The following RP1 variants were observed in gnomAD, a reference collection of about 807,000 sequenced individuals.
RP1 encodes oxygen-regulated protein 1.
RP1 carries 16 observed loss-of-function variants against 14.8 expected under a neutral mutation model. The observed-to-expected ratio is 1.08, with a 90% CI of 0.73 to 1.65. The LOEUF is 1.65. Ranked by LOEUF, RP1 falls within the 40% of genes most tolerant of loss-of-function variation. The pLI is 0.00. For synonymous variants in RP1, 876 were observed against 883.6 expected, an observed-to-expected ratio of 0.99 and a Z score of 0.15; for missense variants, 2,631 against 2,535.0, an observed-to-expected ratio of 1.04 and a Z score of -0.81.
At chr8:54,698,871 C>G (rs1807938807) in intron 12 of RP1, among the ~76,000 whole-genome samples, 1 of 151,822 alleles carries the variant, frequency 6.6e-6, no homozygotes, top group Admixed American at 6.6e-5. Flanking sequence ...GGGAACATCA[C>G]ACATCAAGGC....
chr8:54,713,912 ATG>A (rs1281780335), intron 15 of RP1, among the ~76,000 whole-genome samples: 1 of 152,212 alleles, frequency 6.6e-6, no homozygotes, highest in East Asian at 1.9e-4. Context: ...TGCAAAAATT[ATG>A]TTAGTGGGAA....
Position 54,627,690 on chromosome 8 carries a change from C to A in RP1, c.3808C>A (p.Pro1270Thr), listed in dbSNP as rs1347309576. ...EMCTVNKAYS[P>T]KETCNPSDTF... The stretch of plus-strand genomic sequence containing the variant: ...GTGCACTGTAAATAAGGCTTATTCT[C>A]CAAAAGAGACATGTAACCCCAGTGA... Residue 1270 changes from proline (P) to threonine (T), a missense_variant, in exon 4 of 4, where the codon CCA (proline) becomes ACA (threonine). Coordinates refer to ENST00000220676, the MANE Select transcript of RP1 (RefSeq NM_006269.2). The A allele has an allele frequency of 6.2e-7, 1 of 1,614,048 alleles. No individual in the cohort carries two copies. Among genetic ancestry groups the A allele is most frequent in the African/African-American group, 1.3e-5 (1 of 74,930 alleles).
At chr8:54,854,513 G>T (rs1812140993) in intron 26 of RP1, among the ~76,000 whole-genome samples, 1 of 152,152 alleles carries the variant, frequency 6.6e-6, no homozygotes, top group Admixed American at 6.5e-5. Flanking sequence ...TAAATATCTA[G>T]AAGACAATGA....
At chr8:54,688,025 C>A (rs1807609103) in intron 12 of RP1, among the ~76,000 whole-genome samples, 1 of 152,176 alleles carries the variant, frequency 6.6e-6, no homozygotes. Flanking sequence ...GAGATGGTAT[C>A]TCATTGTGGT....
chr8:54,589,438 G>A (rs1291928879), intron 1 of RP1, among the ~76,000 whole-genome samples: 1 of 152,018 alleles, frequency 6.6e-6, no homozygotes, highest in African/African-American at 2.4e-5. Flanking sequence ...TGAAATAAAG[G>A]GATTTTCCAA....
At chr8:54,787,083 T>C (rs1810337174) in intron 24 of RP1, among the ~76,000 whole-genome samples, 1 of 152,138 alleles carries the variant, frequency 6.6e-6, no homozygotes, top group African/African-American at 2.4e-5. Flanking sequence ...AGGATTCTAG[T>C]TTTAAAAAGG....
At chr8:54,563,544 T>G (rs1474345095) in intron 1 of RP1, among the ~76,000 whole-genome samples, 1 of 128,202 alleles carries the variant, frequency 7.8e-6, no homozygotes, top group African/African-American at 2.9e-5. Context: ...GTGTGTGTGG[T>G]TTTTTTGTTT....
chr8:54,602,655 A>T (rs1219123421), intron 1 of RP1, among the ~76,000 whole-genome samples: 2 of 152,214 alleles, frequency 1.3e-5, no homozygotes, highest in Admixed American at 6.5e-5. Flanking sequence ...TCCCAGTAAC[A>T]GTGTAAAAGT....
chr8:54,737,410 T>C (rs1319232382), intron 18 of RP1, among the ~76,000 whole-genome samples: 3 of 152,188 alleles, frequency 2.0e-5, no homozygotes, highest in Admixed American at 6.6e-5. Context: ...TTCACTTAAA[T>C]TGTGGAGAAA....
chr8:54,870,179 C>T (rs1812557016), exon 29 of RP1: 1 of 341,862 alleles, frequency 2.9e-6, no homozygotes, highest in Non-Finnish European at 5.2e-6. Context: ...CTGCTGCTCA[C>T]CTCCTCCCCC....
intron 1 of RP1, among the ~76,000 whole-genome samples, chr8:54,572,042 G>C (rs1586390613): frequency 6.6e-6 from 1 of 152,176 alleles, no homozygotes; most frequent in Admixed American, 6.5e-5. Context: ...GCCCAAAACA[G>C]TGACTCAGTT....
chr8:54,774,614 G>C (rs1809990344), downstream of RP1, among the ~76,000 whole-genome samples: 1 of 152,132 alleles, frequency 6.6e-6, no homozygotes, highest in Non-Finnish European at 1.5e-5. Context: ...GCTGGGTTTA[G>C]CTTCATTTGC....
rs548750895 is a variant in RP1 at position 54,660,548 on chromosome 8, T to TGG, written c.1172-3147_1172-3146dup. Among the ~76,000 whole-genome samples, 251 of 152,254 alleles carry TGG rather than the reference T, an allele frequency of 1.6e-3. 1 individual carries two copies. The highest frequency in any genetic ancestry group is 5.7e-3 in the African/African-American group (237 of 41,556). On this transcript the variant is annotated intron_variant, in intron 6 of 22. Coordinates refer to the RP1 transcript ENST00000636932. ...TGCAACTTGGTCATGCTGTATGTGCTGGGGGTAGGAGGGGGAGCTTCAGCA... is the reference window on the plus strand; with the variant it reads ...TGCAACTTGGTCATGCTGTATGTGCTGGGGGGGTAGGAGGGGGAGCTTCAGCA...
intron 7 of RP1, among the ~76,000 whole-genome samples, chr8:54,668,209 C>T (rs1462617253): frequency 1.3e-5 from 2 of 151,984 alleles, no homozygotes; most frequent in African/African-American, 4.8e-5. Context: ...AACGTAATCA[C>T]AAGCATTCCT....
At chr8:54,797,737 A>G (rs1209484523) in intron 24 of RP1, among the ~76,000 whole-genome samples, 2 of 152,168 alleles carry the variant, frequency 1.3e-5, no homozygotes. Context: ...GTCTTTTCAA[A>G]ATAAAATATC....
chr8:54,563,536 G>GTGTT (rs1563313167), intron 1 of RP1, among the ~76,000 whole-genome samples: 2 of 151,690 alleles, frequency 1.3e-5, no homozygotes, highest in Non-Finnish European at 2.9e-5. Flanking sequence ...GTGTGTGTGT[G>GTGTT]TGTGTGGTTT....
At chr8:54,710,343 G>T (rs1409550268) in intron 15 of RP1, among the ~76,000 whole-genome samples, 2 of 152,220 alleles carry the variant, frequency 1.3e-5, no homozygotes, top group Admixed American at 6.5e-5. Flanking sequence ...AGCAAACTCT[G>T]TGCAGGCCCC....
chr8:54,758,880 C>G (rs1047504887), intron 21 of RP1: 2 of 1,530,100 alleles, frequency 1.3e-6, no homozygotes, highest in Admixed American at 2.0e-5. Context: ...GCCTCGGACT[C>G]TAGTTATTTC....
chr8:54,843,370 T>C lies in RP1; in HGVS notation c.3835+5701T>C, dbSNP rs569323726. On this transcript the variant is annotated intron_variant, in intron 25 of 28. Coordinates refer to the RP1 transcript ENST00000637698. ...AGGCTGGGATTACAGGTGTGAGCCA[T>C]GGTGCCCGGCCCAGAGGTATTTCTT... 2.0e-5 allele frequency among the ~76,000 whole-genome samples: 3 copies of C among 152,220 alleles called. No individual in the cohort carries two copies. The South Asian group carries it at 6.2e-4, about 32-fold the overall frequency.
Sources: gnomAD v4.1 joint callset for allele counts (sites outside exome capture counted in the v4.1 genomes callset) on GRCh38, gnomAD v4.1.1 for gene constraint, MANE v1.5 for transcripts, NCBI Gene and HGNC (gene_info 2026-07-23, HGNC 2026-07-21) for gene names.